The following RANBP2 variants were observed in gnomAD, a reference collection of about 807,000 sequenced individuals.
The protein encoded by RANBP2 is RAN binding protein 2.
A neutral mutation model predicts 303.6 loss-of-function variants in RANBP2; 57 were observed. The ratio of observed to expected loss-of-function variants is 0.19; its 90% CI spans 0.15 to 0.23. The LOEUF is 0.23. RANBP2 is among the 10% of genes least tolerant of loss of function. The probability of loss-of-function intolerance (pLI) is 1.00; values close to 1 mark genes in which losing one functional copy is unlikely to be tolerated. For synonymous variants in RANBP2, 1,167 were observed against 1,301.5 expected, an observed-to-expected ratio of 0.90 and a Z score of 2.23; for missense variants, 3,138 against 3,780.8, an observed-to-expected ratio of 0.83 and a Z score of 4.46.
the RANBP2 span, among the ~76,000 whole-genome samples, chr2:109,267,480 G>A: frequency 6.6e-6 from 1 of 152,218 alleles, no homozygotes; most frequent in African/African-American, 2.4e-5. Context: ...GACAGAGTCA[G>A]TGTTGCTGAG....
chr2:109,073,454 G>A, the RANBP2 span, among the ~76,000 whole-genome samples: 3 of 151,902 alleles, frequency 2.0e-5, no homozygotes, highest in African/African-American at 4.8e-5. Flanking sequence ...GGATCACGAG[G>A]TCAGGAGATC....
chr2:109,213,776 C>T, the RANBP2 span, among the ~76,000 whole-genome samples: 1 of 152,124 alleles, frequency 6.6e-6, no homozygotes, highest in African/African-American at 2.4e-5. Context: ...GACGTGGTCT[C>T]ACTGTGGTGT....
At chr2:109,455,863 C>G in the RANBP2 span, among the ~76,000 whole-genome samples, 9 of 152,218 alleles carry the variant, frequency 5.9e-5, no homozygotes, top group African/African-American at 2.2e-4. Flanking sequence ...TGGCTGCATG[C>G]TCCCACCAAC....
the RANBP2 span, among the ~76,000 whole-genome samples, chr2:109,106,856 G>A: frequency 1.3e-5 from 2 of 149,340 alleles, no homozygotes; most frequent in Admixed American, 6.7e-5. Context: ...AAGAAAAGAA[G>A]AGAAAAAAGT....
the RANBP2 span, among the ~76,000 whole-genome samples, chr2:109,053,516 AGC>A: frequency 6.6e-6 from 1 of 152,158 alleles, no homozygotes; most frequent in Non-Finnish European, 1.5e-5. Context: ...CCTCAGCTGG[AGC>A]GCAAGTGGAG....
At chr2:109,457,426 C>A in the RANBP2 span, among the ~76,000 whole-genome samples, 3 of 152,334 alleles carry the variant, frequency 2.0e-5, no homozygotes, top group African/African-American at 7.2e-5. Context: ...AATAGTAATA[C>A]ACTTTAGAAA....
the RANBP2 span, among the ~76,000 whole-genome samples, chr2:109,200,220 G>T: frequency 6.6e-6 from 1 of 152,086 alleles, no homozygotes; most frequent in Non-Finnish European, 1.5e-5. Context: ...CCCATCTGCA[G>T]AGTCGCCAGA....
chr2:109,431,852 C>T, the RANBP2 span, among the ~76,000 whole-genome samples: 777 of 151,878 alleles, frequency 5.1e-3, 4 homozygotes, highest in Admixed American at 6.6e-3. Context: ...GCCTGGGTGA[C>T]AGGGTGAGAT....
the RANBP2 span, among the ~76,000 whole-genome samples, chr2:109,275,483 A>G: frequency 6.6e-6 from 1 of 152,154 alleles, no homozygotes; most frequent in Non-Finnish European, 1.5e-5. Context: ...TCAGGGCCTT[A>G]TTTATTGATT....
At chr2:109,090,747 C>T in the RANBP2 span, among the ~76,000 whole-genome samples, 1 of 152,102 alleles carries the variant, frequency 6.6e-6, no homozygotes. Flanking sequence ...GGCCCTAATA[C>T]TTAGCTAAGC....
the RANBP2 span, chr2:109,502,150 C>T: frequency 6.5e-6 from 1 of 153,992 alleles, no homozygotes. Flanking sequence ...ATACCTCAGT[C>T]ACCTGCCGCC....
the RANBP2 span, among the ~76,000 whole-genome samples, chr2:109,169,384 G>T: frequency 6.6e-6 from 1 of 152,220 alleles, no homozygotes; most frequent in East Asian, 1.9e-4. Context: ...TCCATACTAT[G>T]ATGGTGATGA....
chr2:108,856,955 A>G, the RANBP2 span: 2 of 1,587,960 alleles, frequency 1.3e-6, no homozygotes, highest in Admixed American at 1.8e-5. Flanking sequence ...TTTGCTCCAG[A>G]TGACGGTGGA....
At chr2:109,236,294 A>G in the RANBP2 span, among the ~76,000 whole-genome samples, 2 of 152,190 alleles carry the variant, frequency 1.3e-5, no homozygotes, top group African/African-American at 4.8e-5. Flanking sequence ...TTGTTTCTGC[A>G]TGCAGTGTCG....
chr2:109,340,383 C>T, the RANBP2 span, among the ~76,000 whole-genome samples: 1 of 152,124 alleles, frequency 6.6e-6, no homozygotes, highest in African/African-American at 2.4e-5. Flanking sequence ...GGATGAGAGC[C>T]CCAGTACTGC....
the RANBP2 span, among the ~76,000 whole-genome samples, chr2:109,571,211 T>G: frequency 6.6e-6 from 1 of 152,244 alleles, no homozygotes; most frequent in Non-Finnish European, 1.5e-5. Context: ...CCTAAGGAAC[T>G]GTAAGTCAAT....
the RANBP2 span, among the ~76,000 whole-genome samples, chr2:109,477,368 A>T: frequency 4.6e-5 from 7 of 152,136 alleles, no homozygotes; most frequent in Admixed American, 2.6e-4. Context: ...GCCCACCACA[A>T]TCATTCATTC....
At chr2:108,964,692 AG>A in the RANBP2 span, among the ~76,000 whole-genome samples, 1 of 152,332 alleles carries the variant, frequency 6.6e-6, no homozygotes, top group African/African-American at 2.4e-5. Flanking sequence ...TGTCCACAGG[AG>A]AGCATCCCAG....
chr2:109,054,403 G>T, the RANBP2 span, among the ~76,000 whole-genome samples: 1 of 152,006 alleles, frequency 6.6e-6, no homozygotes, highest in African/African-American at 2.4e-5. Context: ...AAGACACACA[G>T]ATCTTAAGAG....
Sources: gnomAD v4.1 joint callset for allele counts (sites outside exome capture counted in the v4.1 genomes callset) on GRCh38, gnomAD v4.1.1 for gene constraint, MANE v1.5 for transcripts, NCBI Gene and HGNC (gene_info 2026-07-23, HGNC 2026-07-21) for gene names.